Variants in TRPC6 observed in about 807,000 individuals in gnomAD.
TRPC6 encodes the protein short transient receptor potential channel 6.
TRPC6 carries 55 observed loss-of-function variants against 90.7 expected under a neutral mutation model. The observed-to-expected ratio is 0.61, with a 90% CI of 0.49 to 0.76. The LOEUF is 0.76. Among genes scored for constraint, TRPC6 ranks in the 30% least tolerant of loss-of-function variants. The pLI, the probability that TRPC6 is intolerant of heterozygous loss-of-function variation, is 0.00. For missense variants in TRPC6, 989 were observed against 1,122.7 expected (o/e 0.88, Z 1.70); for synonymous variants, 393 against 393.0 (o/e 1.00, Z 0.00).
intron 1 of TRPC6, among the ~76,000 whole-genome samples, chr11:101,535,235 A>AAGGAAGGAAGG (rs1565233289): frequency 5.8e-5 from 5 of 86,154 alleles, no homozygotes; most frequent in African/African-American, 1.3e-4. Context: ...AGGAAGGAAG[A>AAGGAAGGAAGG]AAACACAAAG....
At chr11:101,522,930 A>C (rs1436724736) in intron 1 of TRPC6, among the ~76,000 whole-genome samples, 1 of 152,214 alleles carries the variant, frequency 6.6e-6, no homozygotes, top group African/African-American at 2.4e-5. Flanking sequence ...TAGAAAACAC[A>C]AATAGCCAAT....
intron 2 of TRPC6, among the ~76,000 whole-genome samples, chr11:101,501,754 C>T (rs1030312962): frequency 2.6e-5 from 4 of 152,132 alleles, no homozygotes; most frequent in African/African-American, 9.7e-5. Context: ...CCTTAAAAAT[C>T]AAGCCAGTAA....
intron 1 of TRPC6, among the ~76,000 whole-genome samples, chr11:101,529,878 C>T (rs1423306446): frequency 1.3e-5 from 2 of 152,232 alleles, no homozygotes; most frequent in Non-Finnish European, 2.9e-5. Flanking sequence ...GGCAGGCCCA[C>T]ACTTGGGTGG....
intron 1 of TRPC6, among the ~76,000 whole-genome samples, chr11:101,572,632 G>C (rs1450331829): frequency 6.6e-6 from 1 of 152,150 alleles, no homozygotes; most frequent in Admixed American, 6.5e-5. Context: ...TTATAGACTG[G>C]ATAAAGAAAA....
At chr11:101,459,114 T>C (rs900613176) in intron 10 of TRPC6, among the ~76,000 whole-genome samples, 3 of 152,234 alleles carry the variant, frequency 2.0e-5, no homozygotes, top group Non-Finnish European at 4.4e-5. Flanking sequence ...TCTCAAGTTT[T>C]GTTCACCACA....
chr11:101,583,246 C>A, intron 1 of TRPC6, 88 bp downstream of exon 1: 1 of 1,492,412 alleles, frequency 6.7e-7, no homozygotes, highest in Non-Finnish European at 8.9e-7. Context: ...GTTCAGGACG[C>A]GCGCGGACGG....
Position 101,497,674 on chromosome 11 carries a change from A to G in TRPC6, c.946-5936T>C, listed in dbSNP as rs143761798. Among the ~76,000 whole-genome samples, 703 of 152,292 alleles carry G rather than the reference A, an allele frequency of 4.6e-3. 5 individuals carry two copies. The highest frequency in any genetic ancestry group is 0.016 in the African/African-American group (669 of 41,564). The stretch of plus-strand genomic sequence containing the variant: ...GACAGAGAAGAGGACAATTCCTGCT[A>G]TATAAAAGAGGGGATTTTTTTTCCT... On this transcript the variant is annotated intron_variant, in intron 2 of 12. Coordinates refer to ENST00000344327, the MANE Select transcript of TRPC6 (RefSeq NM_004621.6).
intron 1 of TRPC6, among the ~76,000 whole-genome samples, chr11:101,533,799 TC>T (rs1222792497): frequency 3.9e-5 from 6 of 152,150 alleles, no homozygotes; most frequent in Non-Finnish European, 8.8e-5. Flanking sequence ...AGGATTCCAT[TC>T]CCTTCTGGGA....
At chr11:101,556,886 T>A (rs778453522) in intron 1 of TRPC6, among the ~76,000 whole-genome samples, 9 of 152,164 alleles carry the variant, frequency 5.9e-5, no homozygotes, top group Admixed American at 2.6e-4. Flanking sequence ...ATTCCTGAGA[T>A]GCAAGGATGG....
chr11:101,562,244 G>T (rs888303463), intron 1 of TRPC6, among the ~76,000 whole-genome samples: 8 of 152,188 alleles, frequency 5.3e-5, no homozygotes, highest in African/African-American at 1.9e-4. Context: ...ACAGAAGAAA[G>T]GAATACAAAG....
At position 101,484,595 on chromosome 11, in the gene TRPC6, A is replaced by G. The variant is rs1459079509; in HGVS notation, c.1294-1430T>C. ...ATTGTATCTCTCTCTCTCTCATGCTATGTGTGTGTGTGTGTGTGTGTGTGT... is the reference window on the plus strand; with the variant it reads ...ATTGTATCTCTCTCTCTCTCATGCTGTGTGTGTGTGTGTGTGTGTGTGTGT... On this transcript the variant is annotated intron_variant, in intron 4 of 12. Transcript: ENST00000344327. 4.0e-3 allele frequency among the ~76,000 whole-genome samples: 564 copies of G among 140,900 alleles called. 2 individuals carry two copies. The highest frequency in any genetic ancestry group is 0.011 in the African/African-American group (422 of 38,474). 92.4% of individuals were successfully genotyped at this position (140,900 alleles called of 152,430 possible). A position where few individuals can be genotyped will look rare whatever the true frequency, so the allele number is the denominator to read the frequency against.
chr11:101,551,930 C>T (rs1327935075), intron 1 of TRPC6, among the ~76,000 whole-genome samples: 1 of 152,074 alleles, frequency 6.6e-6, no homozygotes, highest in African/African-American at 2.4e-5. Context: ...CCATCCCATC[C>T]TTTTGTGTCT....
At chr11:101,469,962 A>G (rs1434625916) in intron 9 of TRPC6, among the ~76,000 whole-genome samples, 1 of 152,228 alleles carries the variant, frequency 6.6e-6, no homozygotes, top group East Asian at 1.9e-4. Flanking sequence ...TAGAACTCAG[A>G]GAATGTGCTA....
In TRPC6 at chr11:101,583,707, G is replaced by A. The variant is rs935865788; in HGVS notation, c.-204C>T. On this transcript the variant is annotated 5_prime_UTR_variant, in exon 1 of 13. Coordinates refer to ENST00000344327, the MANE Select transcript of TRPC6 (RefSeq NM_004621.6). The stretch of plus-strand genomic sequence containing the variant: ...GGCCCGGGGAAAAGTCACCACTTAA[G>A]GGGGTGCAAAGAGGATCTTGACCTG... The A allele has an allele frequency of 1.7e-5, 9 of 516,588 alleles. No individual in the cohort carries two copies. The South Asian group carries it at 3.5e-4, about 20-fold the overall frequency. The allele number at this position is 516,588 out of a possible 1,614,324, so 32.0% of individuals were successfully genotyped here.
At chr11:101,554,391 T>C (rs889960389) in intron 1 of TRPC6, among the ~76,000 whole-genome samples, 8 of 144,474 alleles carry the variant, frequency 5.5e-5, no homozygotes, top group Admixed American at 2.9e-4. Context: ...TAAGCTTATT[T>C]CAAAGTAGAG....
intron 1 of TRPC6, among the ~76,000 whole-genome samples, chr11:101,572,879 G>A (rs770769793): frequency 2.6e-5 from 4 of 152,140 alleles, no homozygotes; most frequent in South Asian, 4.2e-4. Context: ...GCTATGGGAC[G>A]GATAGCATTA....
chr11:101,465,170 T>A (rs1487675625), intron 10 of TRPC6, among the ~76,000 whole-genome samples: 1 of 152,186 alleles, frequency 6.6e-6, no homozygotes, highest in Non-Finnish European at 1.5e-5. Flanking sequence ...GTTAGTCTGA[T>A]GGGCTTGCCT....
At position 101,458,403 on chromosome 11, in the gene TRPC6, C is replaced by T. The variant is rs148580968; in HGVS notation, c.2485-3302G>A. Among the ~76,000 whole-genome samples, 287 of 152,326 alleles carry T rather than the reference C, an allele frequency of 1.9e-3. 3 individuals are homozygous for T. Among genetic ancestry groups the T allele is most frequent in the African/African-American group, 6.3e-3 (263 of 41,574 alleles). ...AGCTCTACCCTACATGGTTTAAAAA[C>T]CTGCCCTAAGACGACAACTGGAATG... On this transcript the variant is annotated intron_variant, in intron 10 of 12. Transcript: ENST00000344327.
intron 2 of TRPC6, among the ~76,000 whole-genome samples, chr11:101,493,121 C>A (rs1424102195): frequency 6.6e-6 from 1 of 152,148 alleles, no homozygotes; most frequent in Non-Finnish European, 1.5e-5. Flanking sequence ...CTAAGACCAC[C>A]TATAACCAAA....
Sources: gnomAD v4.1 joint callset for allele counts (sites outside exome capture counted in the v4.1 genomes callset) on GRCh38, gnomAD v4.1.1 for gene constraint, MANE v1.5 for transcripts, NCBI Gene and HGNC (gene_info 2026-07-23, HGNC 2026-07-21) for gene names.